SDK2: variants seen among roughly 807,000 people sequenced by gnomAD.
The protein encoded by SDK2 is protein sidekick-2.
In SDK2, 105 loss-of-function variants were observed where a neutral mutation model predicts 253.9. The ratio of observed to expected loss-of-function variants is 0.41; its 90% confidence interval spans 0.35 to 0.49. The LOEUF is 0.49. Ranked by LOEUF, SDK2 falls within the 20% of genes least tolerant of loss-of-function variation. The pLI is 0.06. For synonymous variants in SDK2, 1,249 were observed against 1,234.9 expected (o/e 1.01, Z -0.24); for missense variants, 2,608 against 3,003.0 (o/e 0.87, Z 3.07).
chr17:73,641,521 C>T (rs557087584), intron 1 of SDK2, among the ~76,000 whole-genome samples: 151 of 152,238 alleles, frequency 9.9e-4, no homozygotes, highest in African/African-American at 3.4e-3. Context: ...ATCGGGCATA[C>T]GGCCAATGGT....
chr17:73,601,892 C>T (rs936269501), intron 1 of SDK2, among the ~76,000 whole-genome samples: 9 of 152,106 alleles, frequency 5.9e-5, no homozygotes, highest in African/African-American at 2.2e-4. Context: ...TACAGGCACC[C>T]AGCACCATGC....
At chr17:73,342,623 G>T (rs2062448865) in intron 44 of SDK2, among the ~76,000 whole-genome samples, 1 of 152,176 alleles carries the variant, frequency 6.6e-6, no homozygotes, top group African/African-American at 2.4e-5. Context: ...AGCTCCAGGG[G>T]TTCTAGAATT....
intron 21 of SDK2, 63 bp downstream of exon 21, chr17:73,400,957 C>A: frequency 6.8e-7 from 1 of 1,464,918 alleles, no homozygotes. Context: ...CGACAAGGGG[C>A]CTCTTGAATG....
chr17:73,390,028 C>T lies in SDK2; in HGVS notation c.4192+259G>A, dbSNP rs573275576. Among the ~76,000 whole-genome samples the T allele has an allele frequency of 1.5e-3, 227 of 152,306 alleles. No homozygotes were observed. The Middle Eastern group carries it at 0.017, about 11-fold the overall frequency. On this transcript the variant is annotated intron_variant, in intron 29 of 44. Coordinates refer to ENST00000392650, the MANE Select transcript of SDK2 (RefSeq NM_001144952.2). ...CCTCCCAAAGTGCTGGGATTACAGG[C>T]GTGAGCCACTAAGCCTGGCCACAAA...
intron 12 of SDK2, among the ~76,000 whole-genome samples, chr17:73,429,845 G>A (rs564047184): frequency 6.6e-6 from 1 of 152,276 alleles, no homozygotes; most frequent in East Asian, 1.9e-4. Flanking sequence ...CTTGGGAGGG[G>A]TCCCGGCTTT....
chr17:73,386,733 C>T (rs1055535561), intron 30 of SDK2, among the ~76,000 whole-genome samples, 185 bp from the exon 31 acceptor site: 2 of 152,140 alleles, frequency 1.3e-5, no homozygotes, highest in South Asian at 4.1e-4. Context: ...AACTGGGACC[C>T]GGCCCCAGGG....
At chr17:73,468,659 G>A (rs999836442) in intron 3 of SDK2, among the ~76,000 whole-genome samples, 7 of 151,660 alleles carry the variant, frequency 4.6e-5, no homozygotes, top group African/African-American at 1.5e-4. Context: ...CTACAGGCAT[G>A]TGCCACCACG....
At chr17:73,550,751 G>T (rs2045042179) in intron 1 of SDK2, among the ~76,000 whole-genome samples, 1 of 152,238 alleles carries the variant, frequency 6.6e-6, no homozygotes, top group African/African-American at 2.4e-5. Context: ...TCAGCGAGAA[G>T]CCCAGCGGGG....
At chr17:73,355,174 A>ATATATATATATATATATTTTTTTTT in intron 40 of SDK2, among the ~76,000 whole-genome samples, 3 of 47,238 alleles carry the variant, frequency 6.4e-5, no homozygotes, top group African/African-American at 1.6e-4. Context: ...ATATATATAT[A>ATATATATATATATATATTTTTTTTT]TTTTTTTTTT....
At chr17:73,610,655 TTC>T (rs1019327483) in intron 1 of SDK2, among the ~76,000 whole-genome samples, 1 of 152,074 alleles carries the variant, frequency 6.6e-6, no homozygotes, top group Admixed American at 6.6e-5. Context: ...CAACTGGTGT[TTC>T]TGTGTGTGCA....
chr17:73,551,126 A>G (rs1246929074), intron 1 of SDK2, among the ~76,000 whole-genome samples: 1 of 152,172 alleles, frequency 6.6e-6, no homozygotes, highest in Non-Finnish European at 1.5e-5. Context: ...CGAAGGACAC[A>G]GTGGGTCGAG....
chr17:73,405,723 CTT>C (rs537794783), intron 18 of SDK2, among the ~76,000 whole-genome samples: 19 of 139,666 alleles, frequency 1.4e-4, no homozygotes, highest in South Asian at 2.3e-4. Context: ...TCTTATATAT[CTT>C]TTTTTTTTTT....
At chr17:73,385,942 G>A (rs757491350) in intron 31 of SDK2, 25 bp from the exon 32 acceptor site, 1 of 1,562,310 alleles carries the variant, frequency 6.4e-7, no homozygotes, top group South Asian at 1.2e-5. Flanking sequence ...AGACAGGTGG[G>A]TTCTGGGGGC....
chr17:73,385,404 G>A (rs1304900490), intron 32 of SDK2, among the ~76,000 whole-genome samples: 1 of 152,162 alleles, frequency 6.6e-6, no homozygotes, highest in Admixed American at 6.5e-5. Flanking sequence ...ATAGGTCTCT[G>A]CAAGGAATCC....
At position 73,423,375 on chromosome 17, in the gene SDK2, G is replaced by A. The variant is rs532801222; in HGVS notation, c.1897+11C>T. 8.4e-6 allele frequency: 12 copies of A among 1,434,834 alleles called. No homozygotes were observed. In the Admixed American group the frequency reaches 1.0e-4, roughly 12 times the overall value. 88.9% of individuals were successfully genotyped at this position (1,434,834 alleles called of 1,614,324 possible). ...GGCGGGAGGTGTTGGAGGTGACCACGGGAAGCTTACTGTTCTCCGACATCT... is the reference window on the plus strand; with the variant it reads ...GGCGGGAGGTGTTGGAGGTGACCACAGGAAGCTTACTGTTCTCCGACATCT... On this transcript the variant is annotated intron_variant, in intron 14 of 44. Coordinates refer to ENST00000392650, the MANE Select transcript of SDK2 (RefSeq NM_001144952.2).
At chr17:73,556,471 G>T (rs766852520) in intron 1 of SDK2, among the ~76,000 whole-genome samples, 1 of 152,220 alleles carries the variant, frequency 6.6e-6, no homozygotes, top group Non-Finnish European at 1.5e-5. Flanking sequence ...CCATCTGGGC[G>T]ATGCTCACTG....
At chr17:73,441,160 G>T (rs577222437) in intron 5 of SDK2, among the ~76,000 whole-genome samples, 1 of 151,980 alleles carries the variant, frequency 6.6e-6, no homozygotes, top group Non-Finnish European at 1.5e-5. Flanking sequence ...TGACCTTGAC[G>T]GCCTTCCCCA....
At chr17:73,615,146 CAAT>C (rs1351617189) in intron 1 of SDK2, among the ~76,000 whole-genome samples, 3 of 152,196 alleles carry the variant, frequency 2.0e-5, no homozygotes, top group Non-Finnish European at 2.9e-5. Flanking sequence ...GCCTGACACA[CAAT>C]GAGTACATAC....
At chr17:73,350,911 G>T in intron 41 of SDK2, 121 bp from the exon 42 acceptor site, 2 of 981,422 alleles carry the variant, frequency 2.0e-6, no homozygotes, top group Non-Finnish European at 1.5e-6. Flanking sequence ...TGTACCCTCC[G>T]AATGAGGCAG....
Sources: gnomAD v4.1 joint callset for allele counts (sites outside exome capture counted in the v4.1 genomes callset) on GRCh38, gnomAD v4.1.1 for gene constraint, MANE v1.5 for transcripts, NCBI Gene and HGNC (gene_info 2026-07-23, HGNC 2026-07-21) for gene names.